The following TRA2A variants were observed in gnomAD, a reference collection of about 807,000 sequenced individuals.
The protein encoded by TRA2A is transformer-2 protein homolog alpha.
TRA2A carries 31 observed loss-of-function variants against 45.7 expected under a neutral mutation model. The observed-to-expected ratio is 0.68, with a 90% CI of 0.51 to 0.92. TRA2A has a LOEUF of 0.92. Ranked by LOEUF, TRA2A falls within the 40% of genes least tolerant of loss-of-function variation. The probability of loss-of-function intolerance (pLI) is 0.00; values close to 1 mark genes in which losing one functional copy is unlikely to be tolerated. For missense variants in TRA2A, 304 were observed against 367.5 expected (o/e 0.83, Z 1.41); for synonymous variants, 132 against 126.2 (o/e 1.05, Z -0.31).
At chr7:23,521,335 A>T (rs1472489867) in intron 2 of TRA2A, among the ~76,000 whole-genome samples, 1 of 152,256 alleles carries the variant, frequency 6.6e-6, no homozygotes, top group East Asian at 1.9e-4. Flanking sequence ...GAAACCAGAC[A>T]CTAATTATCA....
chr7:23,514,070 T>G (rs569668126), intron 3 of TRA2A, among the ~76,000 whole-genome samples: 105 of 151,240 alleles, frequency 6.9e-4, no homozygotes, highest in African/African-American at 2.4e-3. Context: ...CTAGTAGATT[T>G]TTTTTTTTTT....
At chr7:23,506,543 G>T in intron 5 of TRA2A, 1 of 391,930 alleles carries the variant, frequency 2.6e-6, no homozygotes, top group Non-Finnish European at 4.5e-6. Context: ...AAATTGAAAC[G>T]ATGAAGCACT....
intron 2 of TRA2A, among the ~76,000 whole-genome samples, chr7:23,519,095 G>A (rs531523186): frequency 6.6e-6 from 1 of 152,110 alleles, no homozygotes; most frequent in Non-Finnish European, 1.5e-5. Context: ...TTCTTTGCCT[G>A]TAAGACTAAT....
Position 23,512,947 on chromosome 7 carries a change from G to A in TRA2A, c.472C>T (p.Arg158Ter). ...TACACAAAAGCAAATCCTCGAGATCGCCCAGTTCGCTGATCATAAACCACA... is the reference window on the plus strand; with the variant it reads ...TACACAAAAGCAAATCCTCGAGATCACCCAGTTCGCTGATCATAAACCACA... ...VNVVYDQRTG[R>*]SRGFAFVYFE... Residue 158 changes from arginine to a stop codon, truncating the protein, a stop_gained, in exon 4 of 8, where the codon CGA becomes TGA. Transcript: ENST00000297071. LOFTEE classifies it high-confidence loss of function. 3.1e-6 allele frequency: 5 copies of A among 1,613,244 alleles called. No homozygotes were observed. The highest frequency in any genetic ancestry group is 1.1e-5 in the South Asian group (1 of 90,868).
At chr7:23,507,193 C>G in intron 5 of TRA2A, 1 of 496,320 alleles carries the variant, frequency 2.0e-6, no homozygotes, top group African/African-American at 1.9e-5. Context: ...CTCTGCCTCC[C>G]AAGTTCAAGT....
At position 23,506,638 on chromosome 7, in the gene TRA2A, T is replaced by C. The variant is rs1184925431; in HGVS notation, c.642-372A>G. On this transcript the variant is annotated intron_variant, in intron 5 of 7. Transcript: ENST00000297071. ...AATAAATAAATAAATGAATAAAAGGTGTATCCCTGTGACTAAAAGGCAATA... is the reference window on the plus strand; with the variant it reads ...AATAAATAAATAAATGAATAAAAGGCGTATCCCTGTGACTAAAAGGCAATA... Among the ~76,000 whole-genome samples, 3 of 152,220 alleles carry C rather than the reference T, an allele frequency of 2.0e-5. No homozygotes were observed. In the East Asian group the frequency reaches 5.8e-4, roughly 29 times the overall value.
At chr7:23,519,222 T>A (rs1267028252) in intron 2 of TRA2A, among the ~76,000 whole-genome samples, 1 of 151,950 alleles carries the variant, frequency 6.6e-6, no homozygotes, top group Non-Finnish European at 1.5e-5. Context: ...TAAAACCCCG[T>A]CTCTATTAAA....
chr7:23,521,896 A>C, intron 1 of TRA2A, 56 bp from the exon 2 acceptor site: 1 of 1,604,758 alleles, frequency 6.2e-7, no homozygotes, highest in Non-Finnish European at 8.5e-7. Flanking sequence ...CCTAACACCT[A>C]ACATTTAAAG....
At chr7:23,514,953 C>G (rs1789790714) in intron 3 of TRA2A, among the ~76,000 whole-genome samples, 1 of 152,156 alleles carries the variant, frequency 6.6e-6, no homozygotes, top group African/African-American at 2.4e-5. Context: ...TGGTTGAAAC[C>G]TAGACTGCTA....
intron 1 of TRA2A, among the ~76,000 whole-genome samples, chr7:23,528,426 T>G (rs1250355986): frequency 6.6e-6 from 1 of 152,154 alleles, no homozygotes; most frequent in Non-Finnish European, 1.5e-5. Flanking sequence ...CAGGATGGTC[T>G]CCATCTCTTG....
chr7:23,514,754 C>T (rs1173111079), intron 3 of TRA2A, among the ~76,000 whole-genome samples: 1 of 152,146 alleles, frequency 6.6e-6, no homozygotes, highest in Non-Finnish European at 1.5e-5. Flanking sequence ...AGCCAATATG[C>T]CTGGCCCATT....
intron 4 of TRA2A, among the ~76,000 whole-genome samples, chr7:23,508,366 T>A (rs1392580643): frequency 6.6e-6 from 1 of 151,388 alleles, no homozygotes; most frequent in African/African-American, 2.4e-5. Flanking sequence ...CTTCTTGGCT[T>A]ATGCAATCCT....
chr7:23,521,249 C>T (rs765982684), intron 2 of TRA2A, among the ~76,000 whole-genome samples: 4 of 152,218 alleles, frequency 2.6e-5, no homozygotes, highest in Non-Finnish European at 5.9e-5. Flanking sequence ...CACACATCAA[C>T]TTTCTCTGCA....
intron 1 of TRA2A, among the ~76,000 whole-genome samples, chr7:23,527,683 C>T (rs556645187): frequency 1.6e-4 from 25 of 152,176 alleles, no homozygotes; most frequent in Non-Finnish European, 2.9e-4. Context: ...CCACACATCC[C>T]TAAATATTTA....
intron 4 of TRA2A, among the ~76,000 whole-genome samples, chr7:23,509,359 C>A (rs1295900512): frequency 6.6e-6 from 1 of 152,048 alleles, no homozygotes; most frequent in Non-Finnish European, 1.5e-5. Context: ...CATATGCACA[C>A]TAATAACTTT....
intron 6 of TRA2A, 118 bp downstream of exon 6, chr7:23,506,020 G>A: frequency 1.1e-6 from 1 of 920,160 alleles, no homozygotes; most frequent in Non-Finnish European, 1.6e-6. Flanking sequence ...GCTCCCAAAG[G>A]CGTCATATAT....
At chr7:23,514,152 C>T (rs1346459318) in intron 3 of TRA2A, among the ~76,000 whole-genome samples, 2 of 151,294 alleles carry the variant, frequency 1.3e-5, no homozygotes, top group Non-Finnish European at 2.9e-5. Flanking sequence ...ACCGCAACCT[C>T]CACCTCCCGA....
chr7:23,512,748 G>T (rs1253621466), intron 4 of TRA2A, 146 bp downstream of exon 4: 3 of 636,870 alleles, frequency 4.7e-6, no homozygotes, highest in Non-Finnish European at 2.5e-6. Flanking sequence ...ATGAGCCACC[G>T]CGCCTGGACG....
rs1271617495 is a variant in TRA2A at position 23,512,882 on chromosome 7, AG to A, written c.525+11del. On this transcript the variant is annotated intron_variant, in intron 4 of 7. Transcript: ENST00000297071. ...TCAGTACTATAATCAGGCATATAAAAGACAAATTTACCTCCTTTGAGTCATC... is the reference window on the plus strand; with the variant it reads ...TCAGTACTATAATCAGGCATATAAAAACAAATTTACCTCCTTTGAGTCATC... The A allele has an allele frequency of 9.4e-6, 15 of 1,595,938 alleles. No individual in the cohort carries two copies. Among genetic ancestry groups the A allele is most frequent in the Non-Finnish European group, 1.3e-5 (15 of 1,169,346 alleles).
Sources: gnomAD v4.1 joint callset for allele counts (sites outside exome capture counted in the v4.1 genomes callset) on GRCh38, gnomAD v4.1.1 for gene constraint, MANE v1.5 for transcripts, NCBI Gene and HGNC (gene_info 2026-07-23, HGNC 2026-07-21) for gene names.